MSI2: variants seen among roughly 807,000 people sequenced by gnomAD.
The protein encoded by MSI2 is musashi RNA binding protein 2.
Under a neutral mutation model 45.6 loss-of-function variants are expected in MSI2, and 17 were observed. The ratio of observed to expected loss-of-function variants is 0.37; its 90% CI spans 0.26 to 0.56. The LOEUF is 0.56. Among genes scored for constraint, MSI2 ranks in the 20% least tolerant of loss-of-function variants. The probability of loss-of-function intolerance (pLI) is 0.77; values close to 1 mark genes in which losing one functional copy is unlikely to be tolerated. For synonymous variants in MSI2, 156 were observed against 158.2 expected, an observed-to-expected ratio of 0.99 and a Z score of 0.11; for missense variants, 293 against 444.2, an observed-to-expected ratio of 0.66 and a Z score of 3.06.
intron 5 of MSI2, among the ~76,000 whole-genome samples, chr17:57,284,599 C>G (rs1446013605): frequency 6.6e-6 from 1 of 152,136 alleles, no homozygotes; most frequent in African/African-American, 2.4e-5. Context: ...GTAAAACACT[C>G]TGACCCCAAT....
the MSI2 span, among the ~76,000 whole-genome samples, chr17:57,694,161 G>A: frequency 6.6e-6 from 1 of 152,190 alleles, no homozygotes; most frequent in African/African-American, 2.4e-5. Context: ...CTATATACTG[G>A]TCCTTTGTAG....
intron 7 of MSI2, among the ~76,000 whole-genome samples, chr17:57,585,339 C>T (rs2088317836): frequency 6.6e-6 from 1 of 152,150 alleles, no homozygotes; most frequent in Non-Finnish European, 1.5e-5. Flanking sequence ...GGAGAAATAA[C>T]AAGGCTAGTT....
At chr17:57,530,088 A>AT (rs1431462696) in intron 7 of MSI2, among the ~76,000 whole-genome samples, 1 of 152,190 alleles carries the variant, frequency 6.6e-6, no homozygotes, top group African/African-American at 2.4e-5. Context: ...ATCAATTTGT[A>AT]TTGAAGGAGG....
chr17:57,541,160 A>AGT (rs2087037961), intron 7 of MSI2, among the ~76,000 whole-genome samples: 2 of 151,538 alleles, frequency 1.3e-5, no homozygotes, highest in South Asian at 4.2e-4. Context: ...GTAGAGAGAG[A>AGT]GAGAGAGAGA....
At chr17:57,510,467 G>C (rs1029104902) in intron 6 of MSI2, among the ~76,000 whole-genome samples, 2 of 151,188 alleles carry the variant, frequency 1.3e-5, no homozygotes, top group African/African-American at 4.9e-5. Context: ...TGCTCTTGTC[G>C]CCCAAGCTGG....
chr17:57,501,797 A>G (rs536420645), intron 6 of MSI2, among the ~76,000 whole-genome samples: 3 of 152,362 alleles, frequency 2.0e-5, no homozygotes, highest in African/African-American at 7.2e-5. Flanking sequence ...TTATAGACAC[A>G]GTCATTACAT....
In MSI2 at chr17:57,610,824, G is replaced by A. The variant is rs1907170419; in HGVS notation, c.538-5146G>A. 2.1e-5 allele frequency among the ~76,000 whole-genome samples: 2 copies of A among 94,864 alleles called. 1 individual carries two copies. Among genetic ancestry groups the A allele is most frequent in the Non-Finnish European group, 5.0e-5 (2 of 39,642 alleles). The allele number at this position is 94,864 out of a possible 152,430, so 62.2% of individuals were successfully genotyped here. A position where few individuals can be genotyped will look rare whatever the true frequency, so the allele number is the denominator to read the frequency against. On this transcript the variant is annotated intron_variant, in intron 8 of 13. Coordinates refer to ENST00000284073, the MANE Select transcript of MSI2 (RefSeq NM_138962.4). ...CTGAACCCATTACCATGGGGACTAT[G>A]AGGAAGCCACACCCTCTCTTCTAAG...
At chr17:57,598,334 T>G (rs1270136203) in intron 8 of MSI2, among the ~76,000 whole-genome samples, 2 of 152,240 alleles carry the variant, frequency 1.3e-5, no homozygotes, top group Non-Finnish European at 2.9e-5. Flanking sequence ...AACTTTAAAT[T>G]CAATAATAGA....
intron 6 of MSI2, among the ~76,000 whole-genome samples, chr17:57,437,416 A>G (rs570842956): frequency 3.9e-5 from 6 of 152,282 alleles, no homozygotes; most frequent in East Asian, 1.9e-4. Flanking sequence ...TCGAATTCCA[A>G]TTGAAGGAGG....
At chr17:57,379,580 G>T (rs1178243122) in intron 5 of MSI2, among the ~76,000 whole-genome samples, 2 of 151,218 alleles carry the variant, frequency 1.3e-5, no homozygotes, top group Non-Finnish European at 2.9e-5. Flanking sequence ...GTCAGCTGTC[G>T]GCCATCAGGA....
chr17:57,435,390 G>A (rs926400729), intron 6 of MSI2, among the ~76,000 whole-genome samples: 5 of 152,206 alleles, frequency 3.3e-5, no homozygotes, highest in African/African-American at 1.2e-4. Flanking sequence ...GCAGAGCCTT[G>A]TGAACCAGGG....
intron 5 of MSI2, among the ~76,000 whole-genome samples, chr17:57,353,455 A>G (rs1159532809): frequency 6.6e-6 from 1 of 152,216 alleles, no homozygotes; most frequent in Non-Finnish European, 1.5e-5. Context: ...GACTTGGTGC[A>G]CTGATACATG....
intron 6 of MSI2, among the ~76,000 whole-genome samples, chr17:57,465,704 T>C (rs1238070535): frequency 1.3e-5 from 2 of 152,204 alleles, no homozygotes; most frequent in African/African-American, 4.8e-5. Flanking sequence ...TGTTCTGTGC[T>C]CTTAGCCTGA....
chr17:57,557,635 C>T (rs1598398320), intron 7 of MSI2, among the ~76,000 whole-genome samples: 1 of 152,314 alleles, frequency 6.6e-6, no homozygotes, highest in East Asian at 1.9e-4. Flanking sequence ...TGGGGTGTTC[C>T]CCCTTGTGCC....
chr17:57,524,305 G>A (rs943373328), intron 6 of MSI2, among the ~76,000 whole-genome samples: 1 of 152,350 alleles, frequency 6.6e-6, no homozygotes, highest in African/African-American at 2.4e-5. Flanking sequence ...CCACCTCTTT[G>A]GGGGAGAAGG....
chr17:57,487,169 G>C (rs924848591), intron 6 of MSI2, among the ~76,000 whole-genome samples: 5 of 152,240 alleles, frequency 3.3e-5, no homozygotes, highest in African/African-American at 1.2e-4. Flanking sequence ...CTCACTGAGA[G>C]AGAAGACCAG....
At chr17:57,321,852 C>T (rs543264645) in intron 5 of MSI2, among the ~76,000 whole-genome samples, 15 of 152,004 alleles carry the variant, frequency 9.9e-5, no homozygotes, top group Admixed American at 4.6e-4. Flanking sequence ...GCTGGAGTGC[C>T]GTGGCGCGAT....
intron 7 of MSI2, among the ~76,000 whole-genome samples, chr17:57,576,784 G>A (rs1052310859): frequency 1.3e-5 from 2 of 149,328 alleles, no homozygotes; most frequent in African/African-American, 4.9e-5. Context: ...GACTATAATC[G>A]ATGTCTAATT....
the MSI2 span, among the ~76,000 whole-genome samples, chr17:57,699,435 G>T: frequency 6.6e-6 from 1 of 151,842 alleles, no homozygotes; most frequent in Non-Finnish European, 1.5e-5. Context: ...TCAGAATCTT[G>T]TCATGTGAAG....
Sources: gnomAD v4.1 joint callset for allele counts (sites outside exome capture counted in the v4.1 genomes callset) on GRCh38, gnomAD v4.1.1 for gene constraint, MANE v1.5 for transcripts, NCBI Gene and HGNC (gene_info 2026-07-23, HGNC 2026-07-21) for gene names.